Variants in RALGAPB observed in about 807,000 individuals in gnomAD.
The protein encoded by RALGAPB is Ral GTPase activating protein non-catalytic subunit beta.
RALGAPB carries 25 observed loss-of-function variants against 161.1 expected under a neutral mutation model. That is an observed-to-expected ratio of 0.16 (90% CI 0.11 to 0.22). The LOEUF is 0.22. Ranked by LOEUF, RALGAPB falls within the 10% of genes least tolerant of loss-of-function variation. The pLI is 1.00. For missense variants in RALGAPB, 1,391 were observed against 1,815.2 expected (o/e 0.77, Z 4.25); for synonymous variants, 629 against 626.1 (o/e 1.00, Z -0.07).
At chr20:38,542,239 AAGT>A (rs993389210) in intron 18 of RALGAPB, among the ~76,000 whole-genome samples, 1 of 152,158 alleles carries the variant, frequency 6.6e-6, no homozygotes, top group Non-Finnish European at 1.5e-5. Context: ...GGTCTTAGTA[AAGT>A]AGCAGGCAAA....
intron 23 of RALGAPB, among the ~76,000 whole-genome samples, chr20:38,559,788 G>C (rs1237232024): frequency 6.6e-6 from 1 of 152,326 alleles, no homozygotes; most frequent in South Asian, 2.1e-4. Flanking sequence ...TAAGATAGGT[G>C]AGAATGGAAA....
intron 1 of RALGAPB, among the ~76,000 whole-genome samples, 169 bp downstream of exon 1, chr20:38,473,238 G>A (rs2084703204): frequency 1.3e-5 from 2 of 152,166 alleles, no homozygotes; most frequent in African/African-American, 2.4e-5. Context: ...CGGGGGCGGG[G>A]AAAGCTTGGC....
chr20:38,500,009 T>A (rs965095850), intron 5 of RALGAPB: 1 of 153,574 alleles, frequency 6.5e-6, no homozygotes, highest in Non-Finnish European at 1.4e-5. Context: ...TTATATATAA[T>A]TTTACAGGAA....
chr20:38,487,539 A>G (rs2085153060), intron 1 of RALGAPB, among the ~76,000 whole-genome samples: 1 of 152,182 alleles, frequency 6.6e-6, no homozygotes, highest in South Asian at 2.1e-4. Context: ...CAGAATTAGT[A>G]TTTCAGTTTA....
intron 1 of RALGAPB, among the ~76,000 whole-genome samples, chr20:38,473,470 G>A (rs184277403): frequency 1.9e-4 from 29 of 152,320 alleles, no homozygotes; most frequent in African/African-American, 6.7e-4. Context: ...CTTTGATGAG[G>A]GAGAGTTGAT....
At chr20:38,513,801 A>G (rs925310857) in intron 6 of RALGAPB, among the ~76,000 whole-genome samples, 4 of 152,308 alleles carry the variant, frequency 2.6e-5, no homozygotes, top group South Asian at 2.1e-4. Flanking sequence ...TGAACCATCT[A>G]TCATTCCTGA....
chr20:38,550,518 T>C (rs1479808205), intron 20 of RALGAPB, among the ~76,000 whole-genome samples: 3 of 152,148 alleles, frequency 2.0e-5, no homozygotes, highest in Non-Finnish European at 4.4e-5. Context: ...CATTGAAGAC[T>C]GAAGAGGAAG....
At chr20:38,530,518 A>G (rs2086621396) in intron 13 of RALGAPB, among the ~76,000 whole-genome samples, 1 of 151,572 alleles carries the variant, frequency 6.6e-6, no homozygotes, top group Non-Finnish European at 1.5e-5. Context: ...TCGGCCTCCC[A>G]AAGTGCTAGA....
At position 38,577,856 on chromosome 20, in the gene RALGAPB, T is replaced by G. The variant is rs1324959136; in HGVS notation, c.*2889T>G. The G allele has an allele frequency of 2.6e-5, 4 of 152,234 alleles. No homozygotes were observed. The highest frequency in any genetic ancestry group is 5.9e-5 in the Non-Finnish European group (4 of 68,090). 9.4% of individuals were successfully genotyped at this position (152,234 alleles called of 1,614,324 possible). A position where few individuals can be genotyped will look rare whatever the true frequency, so the allele number is the denominator to read the frequency against. On this transcript the variant is annotated 3_prime_UTR_variant, in exon 30 of 30. Coordinates refer to ENST00000262879, the MANE Select transcript of RALGAPB (RefSeq NM_020336.4). ...TTGGCCAGTAATGTCAGTTACCTGCTGCAGGTTCTGTGTATGAGGCCTTCA... is the reference window on the plus strand; with the variant it reads ...TTGGCCAGTAATGTCAGTTACCTGCGGCAGGTTCTGTGTATGAGGCCTTCA...
At chr20:38,519,317 C>G (rs2086221944) in intron 9 of RALGAPB, among the ~76,000 whole-genome samples, 1 of 151,900 alleles carries the variant, frequency 6.6e-6, no homozygotes, top group Admixed American at 6.6e-5. Flanking sequence ...GTTCATGTAC[C>G]TTGTATTTTG....
chr20:38,563,108 T>A (rs1360208504), intron 24 of RALGAPB, among the ~76,000 whole-genome samples: 1 of 152,196 alleles, frequency 6.6e-6, no homozygotes, highest in Non-Finnish European at 1.5e-5. Flanking sequence ...ATCCTTCCCC[T>A]AATCCCAGTC....
rs1314093344 is a variant in RALGAPB at position 38,499,523 on chromosome 20, C to T, written c.630C>T (p.Cys210=). ...FEVWLLACTR[C]FPTPPYWKTA... ...TGTGGTTACTAGCTTGTACTCGGTGCTTCCCAACACCTCCTTATTGGAAAA... is the reference window on the plus strand; with the variant it reads ...TGTGGTTACTAGCTTGTACTCGGTGTTTCCCAACACCTCCTTATTGGAAAA... The change falls in exon 5 of 30, where the codon TGC becomes TGT. Residue 210 remains cysteine (C), a synonymous_variant. Coordinates refer to ENST00000262879, the MANE Select transcript of RALGAPB (RefSeq NM_020336.4). 2 of 1,613,858 alleles carry T rather than the reference C, an allele frequency of 1.2e-6. No individual in the cohort carries two copies. The highest frequency in any genetic ancestry group is 1.7e-6 in the Non-Finnish European group (2 of 1,179,952).
chr20:38,554,208 C>A (rs2145450908), intron 22 of RALGAPB, 132 bp downstream of exon 22: 1 of 839,326 alleles, frequency 1.2e-6, no homozygotes, highest in Non-Finnish European at 1.8e-6. Context: ...AGCCTGCATA[C>A]AAATAAATGA....
intron 22 of RALGAPB, among the ~76,000 whole-genome samples, chr20:38,555,963 C>G (rs571588591): frequency 6.6e-6 from 1 of 152,160 alleles, no homozygotes; most frequent in African/African-American, 2.4e-5. Context: ...ATCCCAGGAA[C>G]TTAGCAATTA....
intron 5 of RALGAPB, among the ~76,000 whole-genome samples, chr20:38,508,637 C>T (rs1376932309): frequency 1.3e-5 from 2 of 152,038 alleles, no homozygotes; most frequent in Non-Finnish European, 2.9e-5. Flanking sequence ...TACCCAAAAA[C>T]TCATGTATCT....
intron 27 of RALGAPB, 45 bp downstream of exon 27, chr20:38,570,041 A>G (rs374299073): frequency 3.0e-5 from 44 of 1,482,648 alleles, no homozygotes; most frequent in Non-Finnish European, 4.1e-5. Flanking sequence ...GCAATATATG[A>G]CAGTGACTTG....
rs976088323 is a variant in RALGAPB at position 38,498,347 on chromosome 20, A to T, written c.553+831A>T. ...TATAGCACAGTGTATATAAACTATA[A>T]GTTGATCATCTAGTTCCAAGTTCTC... On this transcript the variant is annotated intron_variant, in intron 4 of 29. Transcript: ENST00000262879. Among the ~76,000 whole-genome samples the T allele has an allele frequency of 5.9e-5, 9 of 152,228 alleles. No homozygotes were observed. In the South Asian group the frequency reaches 1.7e-3, roughly 28 times the overall value.
rs759438095 is a variant in RALGAPB, at chr20:38,577,016, A to G, written c.*2049A>G. On this transcript the variant is annotated 3_prime_UTR_variant, in exon 30 of 30. Transcript: ENST00000262879. ...ATTCTGGCAACTCCTTGTAATTCCA[A>G]TGTATTTGATACATGAACAATCATG... 2.0e-5 allele frequency: 3 copies of G among 152,494 alleles called. No homozygotes were observed. The highest frequency in any genetic ancestry group is 2.1e-4 in the South Asian group (1 of 4,824). The allele number at this position is 152,494 out of a possible 1,614,324, so 9.4% of individuals were successfully genotyped here. A position where few individuals can be genotyped will look rare whatever the true frequency, so the allele number is the denominator to read the frequency against.
rs1477551147 is a variant in RALGAPB at position 38,576,367 on chromosome 20, G to A, written c.*1400G>A. ...AGAGCTACAACCATCTGTTTGGTTT[G>A]ATGTTTTGGTGGTTTACTTACGGAG... On this transcript the variant is annotated 3_prime_UTR_variant, in exon 30 of 30. Coordinates refer to ENST00000262879, the MANE Select transcript of RALGAPB (RefSeq NM_020336.4). 5.2e-5 allele frequency: 8 copies of A among 152,654 alleles called. No individual in the cohort carries two copies. Among genetic ancestry groups the A allele is most frequent in the African/African-American group, 1.9e-4 (8 of 41,456 alleles). 9.5% of individuals were successfully genotyped at this position (152,654 alleles called of 1,614,324 possible).
Sources: allele counts gnomAD v4.1 joint callset (sites outside exome capture counted in the v4.1 genomes callset), GRCh38; gene constraint gnomAD v4.1.1; transcripts MANE v1.5; gene names NCBI Gene and HGNC (gene_info 2026-07-23, HGNC 2026-07-21).